WNT4: variants seen among roughly 807,000 people sequenced by gnomAD.
The protein encoded by WNT4 is protein Wnt-4.
WNT4 carries 16 observed loss-of-function variants against 34.5 expected under a neutral mutation model. That is an observed-to-expected ratio of 0.46 (90% confidence interval 0.31 to 0.70). The LOEUF (loss-of-function observed/expected upper bound fraction) is 0.70, where lower values mean the gene tolerates loss of function less well. Among genes scored for constraint, WNT4 ranks in the 30% least tolerant of loss-of-function variants. WNT4 has a pLI of 0.04. For missense variants in WNT4, 379 were observed against 495.9 expected, an observed-to-expected ratio of 0.76 and a Z score of 2.24; for synonymous variants, 200 against 211.9, an observed-to-expected ratio of 0.94 and a Z score of 0.49.
chr1:22,133,210 C>T (rs2124124948), intron 1 of WNT4, among the ~76,000 whole-genome samples: 1 of 152,214 alleles, frequency 6.6e-6, no homozygotes, highest in East Asian at 1.9e-4. Context: ...GGGCACAGTG[C>T]ATAGAAGGTG....
intron 1 of WNT4, among the ~76,000 whole-genome samples, chr1:22,135,375 G>A (rs1466175074): frequency 6.6e-6 from 1 of 152,262 alleles, no homozygotes; most frequent in Non-Finnish European, 1.5e-5. Context: ...GCAGCCTGCA[G>A]TGGAAGGTCA....
rs139205770 is a variant in WNT4 at position 22,120,209 on chromosome 1, C to T, written c.897G>A (p.Thr299=). The T allele has an allele frequency of 1.4e-5, 22 of 1,613,892 alleles. No individual in the cohort carries two copies. Among genetic ancestry groups the T allele is most frequent in the Middle Eastern group, 1.6e-4 (1 of 6,084 alleles). ...LGTRGRTCNK[T]SKAIDGCELL... ...GCTCACAGCCGTCGATGGCCTTGGA[C>T]GTCTTGTTGCATGTGCGGCCCCTCG... Residue 299 remains threonine, a synonymous_variant, in exon 5 of 5, where the codon ACG becomes ACA. Coordinates refer to ENST00000290167, the MANE Select transcript of WNT4 (RefSeq NM_030761.5).
intron 4 of WNT4, 25 bp from the exon 5 acceptor site, chr1:22,120,542 G>C (rs1303137989): frequency 6.3e-7 from 1 of 1,590,596 alleles, no homozygotes. Context: ...GGGGGAGAGG[G>C]GCCATCAGGA....
chr1:22,135,684 C>A (rs1250553386), intron 1 of WNT4, among the ~76,000 whole-genome samples: 1 of 152,122 alleles, frequency 6.6e-6, no homozygotes, highest in African/African-American at 2.4e-5. Flanking sequence ...GGTCCAAAAC[C>A]CCTGGAGGGG....
rs1646005502 is a variant in WNT4 at position 22,134,313 on chromosome 1, A to G, written c.78-4462T>C. 2.0e-5 allele frequency among the ~76,000 whole-genome samples: 3 copies of G among 152,058 alleles called. No individual in the cohort carries two copies. Among genetic ancestry groups the G allele is most frequent in the African/African-American group, 7.2e-5 (3 of 41,400 alleles). On this transcript the variant is annotated intron_variant, in intron 1 of 4. Transcript: ENST00000290167. This position sits in a 1 kb window ranked among gnomAD's most constrained non-coding sequence, Gnocchi z 4.1. ...CTGCTGAACAGAGCTGCCTTGGGGG[A>G]TGCGGGCCAGTGGGGGCGAAAGTGA...
chr1:22,135,393 A>C (rs987062407), intron 1 of WNT4, among the ~76,000 whole-genome samples: 19 of 152,216 alleles, frequency 1.2e-4, no homozygotes, highest in Non-Finnish European at 2.8e-4. Context: ...TCAGGATTTG[A>C]AAACGGGTCA....
Position 22,129,635 on chromosome 1 carries a change from G to A in WNT4, c.294C>T (p.Phe98=), listed in dbSNP as rs775152274. ...NCSTLDSLPV[F]GKVVTQGTRE... ...CCTCACCTTGCGTCACCACCTTGCC[G>A]AAGACGGGCAAGGAGTCGAGTGTGG... The change falls in exon 2 of 5, where the codon TTC becomes TTT. Residue 98 remains phenylalanine (F), a synonymous_variant. Transcript: ENST00000290167. The A allele has an allele frequency of 1.4e-5, 23 of 1,613,384 alleles. No individual in the cohort carries two copies. Among genetic ancestry groups the A allele is most frequent in the South Asian group, 2.2e-5 (2 of 91,068 alleles).
rs1374790263 is a variant in WNT4, at chr1:22,129,859, G to A, written c.78-8C>T. On this transcript the variant is annotated splice_polypyrimidine_tract_variant and splice_region_variant and intron_variant, in intron 1 of 4. Coordinates refer to ENST00000290167, the MANE Select transcript of WNT4 (RefSeq NM_030761.5). ...GACAGCTTGGCCAGGTACCTGGGGA[G>A]AGGGTGACACGTGATGCAGAGCCCA... 6.2e-7 allele frequency: 1 copy of A among 1,613,376 alleles called. No individual in the cohort carries two copies. Among genetic ancestry groups the A allele is most frequent in the South Asian group, 1.1e-5 (1 of 91,072 alleles).
chr1:22,120,932 G>C (rs770744545), intron 4 of WNT4, among the ~76,000 whole-genome samples: 3 of 152,112 alleles, frequency 2.0e-5, no homozygotes, highest in Non-Finnish European at 4.4e-5. Flanking sequence ...CTGCTCTTTT[G>C]GGGAATGAGT....
At position 22,120,362 on chromosome 1, in the gene WNT4, G is replaced by A. The variant is rs1645885728; in HGVS notation, c.744C>T (p.Arg248=). 1.2e-6 allele frequency: 2 copies of A among 1,614,214 alleles called. No homozygotes were observed. Among genetic ancestry groups the A allele is most frequent in the Admixed American group, 1.7e-5 (1 of 60,036 alleles). ...FDGATEVEPR[R]VGSSRALVPR... ...GCACCAGTGCCCTGGAGGAGCCCAC[G>A]CGGCGTGGCTCCACCTCAGTGGCAC... Residue 248 remains arginine (R), a synonymous_variant, in exon 5 of 5, where the codon CGC becomes CGT. Transcript: ENST00000290167.
In WNT4 at chr1:22,139,514, C is replaced by T. The variant is rs1285672404; in HGVS notation, c.77+3332G>A. ...GCCTGCCTCTGAGTGCAGCGTGGTC[C>T]CCCTCCCCTCACCCGTGGGATTCTG... On this transcript the variant is annotated intron_variant, in intron 1 of 4. Transcript: ENST00000290167. The surrounding 1 kb of genome is among the most constrained non-coding windows in gnomAD (Gnocchi z 4.6). Among the ~76,000 whole-genome samples the T allele has an allele frequency of 6.6e-6, 1 of 152,140 alleles. No homozygotes were observed. Among genetic ancestry groups the T allele is most frequent in the Non-Finnish European group, 1.5e-5 (1 of 67,998 alleles).
chr1:22,137,000 G>C (rs1487001379), intron 1 of WNT4, among the ~76,000 whole-genome samples: 1 of 152,110 alleles, frequency 6.6e-6, no homozygotes, highest in African/African-American at 2.4e-5. Flanking sequence ...GGTCTGAAGG[G>C]ACCATTCACA....
chr1:22,135,059 G>A (rs1466185430), intron 1 of WNT4, among the ~76,000 whole-genome samples: 3 of 152,190 alleles, frequency 2.0e-5, no homozygotes, highest in Non-Finnish European at 4.4e-5. Context: ...CAGACCCTCT[G>A]AGGCTGGGGA....
chr1:22,134,595 A>G lies in WNT4; in HGVS notation c.78-4744T>C, dbSNP rs1324691698. On this transcript the variant is annotated intron_variant, in intron 1 of 4. Transcript: ENST00000290167. The surrounding 1 kb of genome is among the most constrained non-coding windows in gnomAD (Gnocchi z 4.1). The stretch of plus-strand genomic sequence containing the variant: ...TTGTGTTGCTTGAAGCAAGTTAGTG[A>G]ACACCTCTGAGCCTCAGCGTGTTCA... Among the ~76,000 whole-genome samples the G allele has an allele frequency of 6.6e-6, 1 of 152,114 alleles. No individual in the cohort carries two copies. The highest frequency in any genetic ancestry group is 1.5e-5 in the Non-Finnish European group (1 of 68,016).
At chr1:22,128,700 C>G (rs1022141173) in intron 2 of WNT4, among the ~76,000 whole-genome samples, 3 of 152,034 alleles carry the variant, frequency 2.0e-5, no homozygotes, top group Admixed American at 1.3e-4. Context: ...TGAGTCCCGG[C>G]TCTACCACTT....
chr1:22,133,606 TG>T (rs1452234900), intron 1 of WNT4, among the ~76,000 whole-genome samples: 1 of 152,242 alleles, frequency 6.6e-6, no homozygotes, highest in East Asian at 1.9e-4. Flanking sequence ...GTGGCTGCAT[TG>T]CCCCAATTTA....
chr1:22,142,203 G>A lies in WNT4; in HGVS notation c.77+643C>T, dbSNP rs1487979106. Among the ~76,000 whole-genome samples, 1 of 152,176 alleles carries A rather than the reference G, an allele frequency of 6.6e-6. No homozygotes were observed. The highest frequency in any genetic ancestry group is 6.5e-5 in the Admixed American group (1 of 15,288). On this transcript the variant is annotated intron_variant, in intron 1 of 4. Coordinates refer to ENST00000290167, the MANE Select transcript of WNT4 (RefSeq NM_030761.5). This position sits in a 1 kb window ranked among gnomAD's most constrained non-coding sequence, Gnocchi z 6.0. ...GCTAGACACGGGGAGCTGGGGGGCCGTTGTCTTCTTTAAGGTCTGGACGGA... is the reference window on the plus strand; with the variant it reads ...GCTAGACACGGGGAGCTGGGGGGCCATTGTCTTCTTTAAGGTCTGGACGGA...
In WNT4 at chr1:22,142,196, G is replaced by C. The variant is rs1646073852; in HGVS notation, c.77+650C>G. On this transcript the variant is annotated intron_variant, in intron 1 of 4. Coordinates refer to ENST00000290167, the MANE Select transcript of WNT4 (RefSeq NM_030761.5). This position sits in a 1 kb window ranked among gnomAD's most constrained non-coding sequence, Gnocchi z 6.0. ...TCCTTAGGCTAGACACGGGGAGCTG[G>C]GGGGCCGTTGTCTTCTTTAAGGTCT... is the stretch of plus-strand genomic sequence containing the variant. 6.6e-6 allele frequency among the ~76,000 whole-genome samples: 1 copy of C among 152,174 alleles called. No homozygotes were observed. The highest frequency in any genetic ancestry group is 1.5e-5 in the Non-Finnish European group (1 of 68,032).
chr1:22,125,936 A>G (rs961093322), intron 2 of WNT4, among the ~76,000 whole-genome samples: 2 of 152,182 alleles, frequency 1.3e-5, no homozygotes, highest in Non-Finnish European at 2.9e-5. Flanking sequence ...TCAGTTACCT[A>G]TTATGTGCAG....
Sources: gnomAD v4.1 joint callset for allele counts (sites outside exome capture counted in the v4.1 genomes callset) on GRCh38, gnomAD v4.1.1 for gene constraint, Gnocchi (gnomAD v3.1) non-coding constraint, MANE v1.5 for transcripts, NCBI Gene and HGNC (gene_info 2026-07-23, HGNC 2026-07-21) for gene names.